Variants in TENM3 observed in about 807,000 individuals in gnomAD.
TENM3 encodes the protein teneurin-3.
In TENM3, 63 loss-of-function variants were observed where a neutral mutation model predicts 255.1. The observed-to-expected ratio is 0.25, with a 90% CI of 0.20 to 0.30. The LOEUF (loss-of-function observed/expected upper bound fraction) is 0.30. Ranked by LOEUF, TENM3 falls within the 10% of genes least tolerant of loss-of-function variation. The pLI, the probability that TENM3 is intolerant of heterozygous loss-of-function variation, is 1.00. For synonymous variants in TENM3, 1,306 were observed against 1,322.3 expected (o/e 0.99, Z 0.27); for missense variants, 2,929 against 3,461.1 (o/e 0.85, Z 3.86).
At chr4:182,156,408 G>T (rs568126947) in intron 1 of TENM3, among the ~76,000 whole-genome samples, 1 of 151,870 alleles carries the variant, frequency 6.6e-6, no homozygotes, top group Admixed American at 6.6e-5. Context: ...TTAGTTACAT[G>T]GGCATGTTGC....
chr4:182,252,237 CAGTCAATTGCTCTTAATTATTTA>C (rs1381072130), intron 1 of TENM3, among the ~76,000 whole-genome samples: 1 of 151,606 alleles, frequency 6.6e-6, no homozygotes, highest in Admixed American at 6.6e-5. Context: ...ACGTCCAGAC[CAGTCAATTGCTCTTAATTATTTA>C]AGTATACACA....
chr4:182,043,019 G>T, the TENM3 span, among the ~76,000 whole-genome samples: 1 of 151,766 alleles, frequency 6.6e-6, no homozygotes, highest in African/African-American at 2.4e-5. Context: ...TAAAATTGTG[G>T]TGTAATTTTG....
intron 3 of TENM3, among the ~76,000 whole-genome samples, chr4:182,461,508 T>G (rs1204617803): frequency 6.6e-6 from 1 of 152,204 alleles, no homozygotes; most frequent in African/African-American, 2.4e-5. Flanking sequence ...AATGTACCTT[T>G]GAGATCCCTG....
chr4:182,171,835 T>C (rs1752130474), intron 1 of TENM3, among the ~76,000 whole-genome samples: 2 of 152,194 alleles, frequency 1.3e-5, no homozygotes, highest in East Asian at 1.9e-4. Context: ...TGAATTTTCA[T>C]GGCTTAATAA....
intron 3 of TENM3, among the ~76,000 whole-genome samples, chr4:182,470,523 A>G (rs1733016203): frequency 1.3e-5 from 2 of 152,228 alleles, no homozygotes; most frequent in South Asian, 4.1e-4. Context: ...TAGAATTTCA[A>G]AATGAGGAAA....
chr4:181,869,609 T>C, the TENM3 span, among the ~76,000 whole-genome samples: 1 of 152,088 alleles, frequency 6.6e-6, no homozygotes, highest in Non-Finnish European at 1.5e-5. Flanking sequence ...CACCCATAAA[T>C]ATATACAACT....
chr4:181,509,688 T>C, the TENM3 span, among the ~76,000 whole-genome samples: 1 of 152,200 alleles, frequency 6.6e-6, no homozygotes, highest in Non-Finnish European at 1.5e-5. Context: ...ATTTCAGTTC[T>C]GGTCAAAGCA....
At chr4:182,281,790 T>C (rs1234108941) in intron 1 of TENM3, among the ~76,000 whole-genome samples, 2 of 152,182 alleles carry the variant, frequency 1.3e-5, no homozygotes, top group African/African-American at 4.8e-5. Context: ...GGATGGAGAA[T>C]AGTGGTGTGA....
At chr4:182,025,020 A>ATTTTTT in the TENM3 span, among the ~76,000 whole-genome samples, 20 of 121,114 alleles carry the variant, frequency 1.7e-4, 1 homozygote, top group African/African-American at 6.7e-4. Context: ...ACAGGATTTC[A>ATTTTTT]TTTTTTTTTT....
rs192719173 is a variant in TENM3, at chr4:182,233,733, T to C, written c.-76+88979T>C. ...GGTAAATTCTTTTACCAAAGGACAA[T>C]GTCCTAGGTGACAAGATATTTCCAG... On this transcript the variant is annotated intron_variant, in intron 1 of 2. Transcript: ENST00000512480. 3.6e-3 allele frequency among the ~76,000 whole-genome samples: 549 copies of C among 152,338 alleles called. 2 individuals are homozygous for C. Among genetic ancestry groups the C allele is most frequent in the Admixed American group, 4.8e-3 (73 of 15,310 alleles).
At chr4:182,767,368 G>C (rs894318399) in intron 22 of TENM3, among the ~76,000 whole-genome samples, 1 of 152,138 alleles carries the variant, frequency 6.6e-6, no homozygotes, top group African/African-American at 2.4e-5. Flanking sequence ...GTCATGACGG[G>C]GTTAGTAGTT....
At chr4:181,505,512 T>C in the TENM3 span, among the ~76,000 whole-genome samples, 5 of 152,204 alleles carry the variant, frequency 3.3e-5, no homozygotes, top group African/African-American at 1.2e-4. Flanking sequence ...TGTTAAGCCT[T>C]AAAGTAAATT....
chr4:181,551,807 A>AATAT, the TENM3 span, among the ~76,000 whole-genome samples: 19 of 140,960 alleles, frequency 1.3e-4, no homozygotes, highest in African/African-American at 4.2e-4. Flanking sequence ...GGCAGTTAAT[A>AATAT]ATATATATAT....
the TENM3 span, among the ~76,000 whole-genome samples, chr4:181,707,997 G>C: frequency 6.6e-6 from 1 of 152,046 alleles, no homozygotes; most frequent in Admixed American, 6.5e-5. Flanking sequence ...TGATTAATTA[G>C]TGGGATTGTT....
the TENM3 span, among the ~76,000 whole-genome samples, chr4:181,453,750 A>G: frequency 6.6e-6 from 1 of 152,156 alleles, no homozygotes; most frequent in Non-Finnish European, 1.5e-5. Flanking sequence ...TCTTCACTCC[A>G]ACCAATAACC....
At chr4:181,736,165 G>T in the TENM3 span, among the ~76,000 whole-genome samples, 1 of 152,134 alleles carries the variant, frequency 6.6e-6, no homozygotes, top group East Asian at 1.9e-4. Context: ...GGGCGTGGTG[G>T]CACGTGCCTG....
At chr4:181,869,293 A>G in the TENM3 span, among the ~76,000 whole-genome samples, 48 of 152,240 alleles carry the variant, frequency 3.2e-4, no homozygotes, top group Admixed American at 4.6e-4. Flanking sequence ...GCAGTCCTCT[A>G]TATACCTATG....
At chr4:182,054,176 A>G in the TENM3 span, among the ~76,000 whole-genome samples, 120 of 152,272 alleles carry the variant, frequency 7.9e-4, no homozygotes, top group Admixed American at 1.6e-3. Flanking sequence ...CACCATACAG[A>G]AGATGCACAC....
intron 1 of TENM3, among the ~76,000 whole-genome samples, chr4:182,247,459 A>T (rs1757730590): frequency 1.3e-5 from 2 of 152,238 alleles, no homozygotes; most frequent in Admixed American, 6.5e-5. Flanking sequence ...CCGCCTTAGA[A>T]GGAAGCACTT....
Sources: gnomAD v4.1 joint callset for allele counts (sites outside exome capture counted in the v4.1 genomes callset) on GRCh38, gnomAD v4.1.1 for gene constraint, MANE v1.5 for transcripts, NCBI Gene and HGNC (gene_info 2026-07-23, HGNC 2026-07-21) for gene names.